CDC42BPA: variants seen among roughly 807,000 people sequenced by gnomAD.
CDC42BPA encodes CDC42 binding protein kinase alpha.
A neutral mutation model predicts 223.5 loss-of-function variants in CDC42BPA; 80 were observed. That is an observed-to-expected ratio of 0.36 (90% CI 0.30 to 0.43). The LOEUF (loss-of-function observed/expected upper bound fraction) is 0.43, where lower values mean the gene tolerates loss of function less well. CDC42BPA is among the 20% of genes least tolerant of loss of function. The pLI is 1.00. For missense variants in CDC42BPA, 1,743 were observed against 2,099.9 expected (o/e 0.83, Z 3.32); for synonymous variants, 694 against 718.6 (o/e 0.97, Z 0.55).
At position 226,994,212 on chromosome 1, in the gene CDC42BPA, T is replaced by G; in HGVS notation, c.*56A>C. On this transcript the variant is annotated 3_prime_UTR_variant, in exon 37 of 37. Transcript: ENST00000366766. The surrounding 1 kb of genome is among the most constrained non-coding windows in gnomAD (Gnocchi z 4.0). Reference sequence around the variant, plus strand: ...GCGAGGTGGAGGGAAGAGATGAAAGTGAGAGGAGGCGAGTGGCAGGGAGCG... The same window carrying G: ...GCGAGGTGGAGGGAAGAGATGAAAGGGAGAGGAGGCGAGTGGCAGGGAGCG... The G allele has an allele frequency of 1.4e-5, 21 of 1,520,148 alleles. No individual in the cohort carries two copies. The highest frequency in any genetic ancestry group is 1.8e-5 in the Non-Finnish European group (20 of 1,123,790). The allele number at this position is 1,520,148 out of a possible 1,614,324, so 94.2% of individuals were successfully genotyped here.
intron 24 of CDC42BPA, among the ~76,000 whole-genome samples, chr1:227,036,898 A>G (rs1398884297): frequency 6.6e-6 from 1 of 152,188 alleles, no homozygotes; most frequent in African/African-American, 2.4e-5. Context: ...CATTATTACA[A>G]CATTTACAAA....
At chr1:227,273,031 G>A (rs1686220198) in intron 1 of CDC42BPA, among the ~76,000 whole-genome samples, 1 of 152,202 alleles carries the variant, frequency 6.6e-6, no homozygotes, top group Non-Finnish European at 1.5e-5. Context: ...GGTGGCTCAC[G>A]CCTGTAATCC....
At chr1:227,278,031 G>A (rs1222169602) in intron 1 of CDC42BPA, among the ~76,000 whole-genome samples, 3 of 152,194 alleles carry the variant, frequency 2.0e-5, no homozygotes, top group African/African-American at 7.2e-5. Flanking sequence ...TTACAGGCGT[G>A]AGCCACCGCA....
chr1:227,203,373 G>A (rs1237491031), intron 3 of CDC42BPA, among the ~76,000 whole-genome samples: 4 of 151,994 alleles, frequency 2.6e-5, no homozygotes, highest in Non-Finnish European at 4.4e-5. Context: ...CAATGCACAC[G>A]ACAACCCCTC....
At chr1:227,286,397 T>G (rs1688809170) in intron 1 of CDC42BPA, among the ~76,000 whole-genome samples, 1 of 152,178 alleles carries the variant, frequency 6.6e-6, no homozygotes, top group African/African-American at 2.4e-5. Context: ...GTCAAGTTCT[T>G]TGCTAAGGTG....
At chr1:227,299,438 AT>A (rs1376841952) in intron 1 of CDC42BPA, among the ~76,000 whole-genome samples, 1 of 152,072 alleles carries the variant, frequency 6.6e-6, no homozygotes, top group Non-Finnish European at 1.5e-5. Flanking sequence ...CTTTTTTTAA[AT>A]GGAATGGTTT....
chr1:227,168,568 T>C (rs1368816214), intron 5 of CDC42BPA, among the ~76,000 whole-genome samples: 1 of 143,326 alleles, frequency 7.0e-6, no homozygotes, highest in African/African-American at 2.6e-5. Flanking sequence ...CGATCTCCGC[T>C]CGCTGCAAGC....
intron 5 of CDC42BPA, among the ~76,000 whole-genome samples, chr1:227,192,762 A>G (rs1319977726): frequency 2.0e-5 from 3 of 152,100 alleles, no homozygotes; most frequent in Admixed American, 2.0e-4. Flanking sequence ...ATAAAGTATT[A>G]ATAGTTTATA....
At chr1:227,152,320 C>G (rs1244948135) in intron 6 of CDC42BPA, among the ~76,000 whole-genome samples, 1 of 152,018 alleles carries the variant, frequency 6.6e-6, no homozygotes, top group Non-Finnish European at 1.5e-5. Context: ...ATAAAAGTAT[C>G]CCTTCTATTT....
chr1:227,068,231 AT>A (rs1457970346), intron 21 of CDC42BPA, among the ~76,000 whole-genome samples: 8 of 151,506 alleles, frequency 5.3e-5, no homozygotes, highest in African/African-American at 1.2e-4. Flanking sequence ...ATTAAAAGTA[AT>A]TTTTTTTTAT....
At chr1:227,035,631 T>A in intron 24 of CDC42BPA, 24 bp from the exon 25 acceptor site, 2 of 1,551,272 alleles carry the variant, frequency 1.3e-6, no homozygotes, top group Non-Finnish European at 1.7e-6. Flanking sequence ...AAAAGAAACG[T>A]TTGATAAAAA....
At chr1:227,001,824 T>C (rs190081972) in intron 35 of CDC42BPA, among the ~76,000 whole-genome samples, 1 of 152,246 alleles carries the variant, frequency 6.6e-6, no homozygotes, top group Admixed American at 6.5e-5. Context: ...GGAGAATTGC[T>C]TGAACCTGGG....
chr1:227,010,859 C>G (rs888948001), intron 34 of CDC42BPA: 5 of 1,328,658 alleles, frequency 3.8e-6, no homozygotes, highest in Non-Finnish European at 5.0e-6. Context: ...AAGTTAACAC[C>G]TGACTCAGCT....
chr1:227,130,891 A>C (rs1656962011), intron 10 of CDC42BPA, among the ~76,000 whole-genome samples: 1 of 152,010 alleles, frequency 6.6e-6, no homozygotes. Context: ...AAGAATACCA[A>C]ATGGACATTA....
chr1:227,101,698 A>C (rs1425224278), intron 14 of CDC42BPA, among the ~76,000 whole-genome samples: 1 of 152,204 alleles, frequency 6.6e-6, no homozygotes, highest in Non-Finnish European at 1.5e-5. Context: ...AATGTACAAA[A>C]ATAAAGACAG....
At position 227,310,707 on chromosome 1, in the gene CDC42BPA, G is replaced by A. The variant is rs1307646979; in HGVS notation, c.178+6298C>T. 8.9e-5 allele frequency among the ~76,000 whole-genome samples: 13 copies of A among 146,358 alleles called. No individual in the cohort carries two copies. The East Asian group carries it at 2.0e-3, about 23-fold the overall frequency. ...TTTTGTTTTTTGTTTTTTTTTTTGA[G>A]ACAGAGTCTTGCTCTGTCGCCCAGA... On this transcript the variant is annotated intron_variant, in intron 1 of 36. Transcript: ENST00000366766.
chr1:227,039,328 A>T (rs1384251701), intron 24 of CDC42BPA, among the ~76,000 whole-genome samples: 11 of 152,164 alleles, frequency 7.2e-5, no homozygotes, highest in Non-Finnish European at 1.5e-5. Context: ...CTAAAAAAAA[A>T]GTTTATATTG....
At chr1:227,124,047 TA>T (rs941750640) in intron 11 of CDC42BPA, among the ~76,000 whole-genome samples, 8 of 152,134 alleles carry the variant, frequency 5.3e-5, no homozygotes, top group Non-Finnish European at 7.3e-5. Flanking sequence ...ATTTTTTATT[TA>T]AAAAAATTTT....
chr1:227,083,695 C>CA lies in CDC42BPA; in HGVS notation c.2356-2679dup, dbSNP rs533789053. 2.2e-4 allele frequency among the ~76,000 whole-genome samples: 34 copies of CA among 152,264 alleles called. No individual in the cohort carries two copies. In the South Asian group the frequency reaches 6.6e-3, roughly 30 times the overall value. On this transcript the variant is annotated intron_variant, in intron 16 of 36. Coordinates refer to ENST00000366766, the MANE Select transcript of CDC42BPA (RefSeq NM_001394014.1). ...AGACTCTGGATAATATCTTCCTCCA[C>CA]AGAGTATTTACTTTTACTTTTGGTA...
Sources: allele counts gnomAD v4.1 joint callset (sites outside exome capture counted in the v4.1 genomes callset), GRCh38; gene constraint gnomAD v4.1.1; non-coding constraint Gnocchi (gnomAD v3.1); transcripts MANE v1.5; gene names NCBI Gene and HGNC (gene_info 2026-07-23, HGNC 2026-07-21).